The following RNF170 variants were observed in gnomAD, a reference collection of about 807,000 sequenced individuals.
RNF170 encodes the protein E3 ubiquitin-protein ligase RNF170.
In RNF170, 12 loss-of-function variants were observed where a neutral mutation model predicts 32.7. That is an observed-to-expected ratio of 0.37 (90% CI 0.24 to 0.60). RNF170 has a LOEUF of 0.60. Ranked by LOEUF, RNF170 falls within the 20% of genes least tolerant of loss-of-function variation. The pLI, the probability that RNF170 is intolerant of heterozygous loss-of-function variation, is 0.72. For synonymous variants in RNF170, 91 were observed against 103.6 expected (o/e 0.88, Z 0.74); for missense variants, 212 against 311.2 (o/e 0.68, Z 2.40).
At chr8:42,894,597 G>C (rs191085513) in intron 1 of RNF170, among the ~76,000 whole-genome samples, 2 of 152,004 alleles carry the variant, frequency 1.3e-5, no homozygotes, top group Non-Finnish European at 2.9e-5. Context: ...ACAGATTCTC[G>C]TTCTGTCGTC....
chr8:42,865,557 G>T, intron 4 of RNF170, 68 bp from the exon 5 acceptor site: 1 of 1,088,108 alleles, frequency 9.2e-7, no homozygotes, highest in Non-Finnish European at 1.4e-6. Context: ...CATATCCTCA[G>T]AAAGATTCAA....
chr8:42,871,159 G>A (rs984609091), intron 3 of RNF170, among the ~76,000 whole-genome samples: 5 of 151,252 alleles, frequency 3.3e-5, no homozygotes, highest in African/African-American at 7.3e-5. Flanking sequence ...GCAATGAGCC[G>A]AGATCACACC....
chr8:42,894,296 G>T (rs1043222351), intron 1 of RNF170, among the ~76,000 whole-genome samples: 1 of 152,220 alleles, frequency 6.6e-6, no homozygotes, highest in Non-Finnish European at 1.5e-5. Context: ...GGGGCCACTG[G>T]AGGAAGGGTG....
rs1803097860 is a variant in RNF170, at chr8:42,854,527, A to C, written c.*1632T>G. The C allele has an allele frequency of 7.8e-7, 1 of 1,286,996 alleles. No individual in the cohort carries two copies. Among genetic ancestry groups the C allele is most frequent in the Non-Finnish European group, 1.0e-6 (1 of 988,458 alleles). 79.7% of individuals were successfully genotyped at this position (1,286,996 alleles called of 1,614,324 possible). Reference sequence around the variant, plus strand: ...TTATAATGTGCTATGTTTAAGCATTATTGTTTTTCTCTATGACAAGCAACA... The same window carrying C: ...TTATAATGTGCTATGTTTAAGCATTCTTGTTTTTCTCTATGACAAGCAACA... On this transcript the variant is annotated 3_prime_UTR_variant, in exon 7 of 7. Transcript: ENST00000527424.
At chr8:42,884,160 AAC>A (rs1371575823) in intron 2 of RNF170, among the ~76,000 whole-genome samples, 2 of 151,808 alleles carry the variant, frequency 1.3e-5, no homozygotes, top group Admixed American at 1.3e-4. Flanking sequence ...GGCTCACAGC[AAC>A]CTCTGCCTCC....
At chr8:42,888,782 C>T (rs1402967878) in intron 1 of RNF170, among the ~76,000 whole-genome samples, 1 of 150,322 alleles carries the variant, frequency 6.7e-6, no homozygotes, top group Non-Finnish European at 1.5e-5. Flanking sequence ...TCCCCACCCC[C>T]CAACCAAAAA....
At chr8:42,871,755 C>T (rs575286234) in intron 3 of RNF170, among the ~76,000 whole-genome samples, 12 of 152,250 alleles carry the variant, frequency 7.9e-5, no homozygotes, top group Non-Finnish European at 1.3e-4. Context: ...GATGGGGTTT[C>T]GCCATGTTGC....
intron 3 of RNF170, among the ~76,000 whole-genome samples, chr8:42,870,502 G>A (rs897684336): frequency 3.3e-5 from 5 of 152,130 alleles, no homozygotes; most frequent in Non-Finnish European, 5.9e-5. Flanking sequence ...CGAGGCAAGT[G>A]GATCACTTGA....
Position 42,873,261 on chromosome 8 carries a change from G to T in RNF170, c.213+670C>A, listed in dbSNP as rs553711725. On this transcript the variant is annotated intron_variant, in intron 3 of 6. Coordinates refer to ENST00000527424, the MANE Select transcript of RNF170 (RefSeq NM_030954.4). ...GAGCTCAAAAGTTGGACAGCAGCCG[G>T]GGCAACATAGTGAGACCCTGTCTCT... Among the ~76,000 whole-genome samples, 64 of 151,738 alleles carry T rather than the reference G, an allele frequency of 4.2e-4. No homozygotes were observed. The East Asian group carries it at 0.012, about 28-fold the overall frequency.
intron 2 of RNF170, among the ~76,000 whole-genome samples, chr8:42,874,962 G>A (rs1348214395): frequency 1.3e-5 from 2 of 151,860 alleles, no homozygotes; most frequent in Non-Finnish European, 2.9e-5. Context: ...ACCTGAGGTT[G>A]GGAGTTCGAG....
intron 5 of RNF170, among the ~76,000 whole-genome samples, chr8:42,863,448 A>C (rs1201022020): frequency 6.6e-6 from 1 of 152,064 alleles, no homozygotes; most frequent in African/African-American, 2.4e-5. Context: ...CAATTTAAAA[A>C]AAAAATTTTT....
chr8:42,865,367 G>A (rs764949628), intron 5 of RNF170, 49 bp downstream of exon 5: 71 of 1,413,092 alleles, frequency 5.0e-5, no homozygotes, highest in Non-Finnish European at 6.7e-5. Context: ...CTATAAAAAT[G>A]TACAAAATAA....
intron 6 of RNF170, 26 bp from the exon 7 acceptor site, chr8:42,856,454 T>C: frequency 1.3e-6 from 2 of 1,512,954 alleles, no homozygotes; most frequent in Non-Finnish European, 1.8e-6. Flanking sequence ...ACAAGTATTA[T>C]GATTCAGCAC....
At chr8:42,857,647 C>T (rs368405411) in intron 6 of RNF170, among the ~76,000 whole-genome samples, 1 of 152,176 alleles carries the variant, frequency 6.6e-6, no homozygotes. Context: ...ATTATAATTT[C>T]ATCACATACC....
At chr8:42,879,168 G>GT (rs1586532931) in intron 2 of RNF170, among the ~76,000 whole-genome samples, 2 of 152,132 alleles carry the variant, frequency 1.3e-5, no homozygotes, top group South Asian at 2.1e-4. Context: ...GGAGATGAAT[G>GT]TTTTTTTCAT....
At chr8:42,867,208 AC>A (rs1481992956) in intron 4 of RNF170, among the ~76,000 whole-genome samples, 1 of 152,202 alleles carries the variant, frequency 6.6e-6, no homozygotes, top group African/African-American at 2.4e-5. Context: ...ACAGTGGCTC[AC>A]GCCTGTAATC....
rs1264226341 is a variant in RNF170 at position 42,854,339 on chromosome 8, G to A, written c.*1820C>T. On this transcript the variant is annotated 3_prime_UTR_variant, in exon 7 of 7. Coordinates refer to ENST00000527424, the MANE Select transcript of RNF170 (RefSeq NM_030954.4). ...TGCAGGAGTCCTACTAAGAAATTTT[G>A]GTGTAATGCCACTTTGATCAGTTAT... 4.7e-6 allele frequency: 6 copies of A among 1,287,074 alleles called. No homozygotes were observed. In the Admixed American group the frequency reaches 1.1e-4, roughly 25 times the overall value. 79.7% of individuals were successfully genotyped at this position (1,287,074 alleles called of 1,614,324 possible).
Position 42,853,487 on chromosome 8 carries a change from A to G in RNF170, c.*2672T>C. On this transcript the variant is annotated 3_prime_UTR_variant, in exon 7 of 7. Coordinates refer to ENST00000527424, the MANE Select transcript of RNF170 (RefSeq NM_030954.4). The stretch of plus-strand genomic sequence containing the variant: ...CAAACACTGAGAATTGTAGTAGTTG[A>G]AACCACTGTTCTAGTGGGCAGTTAG... 7.8e-7 allele frequency: 1 copy of G among 1,287,138 alleles called. No homozygotes were observed. 79.7% of individuals were successfully genotyped at this position (1,287,138 alleles called of 1,614,324 possible).
chr8:42,851,001 C>G (rs186610039), downstream of RNF170: 2 of 1,551,242 alleles, frequency 1.3e-6, no homozygotes, highest in East Asian at 4.9e-5. Flanking sequence ...ATGAACCCTA[C>G]ACACGGTAGT....
Sources: gnomAD v4.1 joint callset for allele counts (sites outside exome capture counted in the v4.1 genomes callset) on GRCh38, gnomAD v4.1.1 for gene constraint, MANE v1.5 for transcripts, NCBI Gene and HGNC (gene_info 2026-07-23, HGNC 2026-07-21) for gene names.